Variants in ZBTB7C observed in about 807,000 individuals in gnomAD.
The protein encoded by ZBTB7C is zinc finger and BTB domain containing 7C, also known as zinc finger and BTB domain-containing protein 7C.
Under a neutral mutation model 25.7 loss-of-function variants are expected in ZBTB7C, and 8 were observed. That is an observed-to-expected ratio of 0.31 (90% CI 0.18 to 0.56). ZBTB7C has a LOEUF of 0.56. Among genes scored for constraint, ZBTB7C ranks in the 20% least tolerant of loss-of-function variants. ZBTB7C has a pLI of 0.91. For synonymous variants in ZBTB7C, 394 were observed against 369.0 expected, an observed-to-expected ratio of 1.07 and a Z score of -0.78; for missense variants, 824 against 855.2, an observed-to-expected ratio of 0.96 and a Z score of 0.46.
At chr18:48,397,417 C>T (rs1233858064) in intron 1 of ZBTB7C, among the ~76,000 whole-genome samples, 3 of 152,110 alleles carry the variant, frequency 2.0e-5, no homozygotes, top group African/African-American at 4.8e-5. Context: ...AACTTCAGGG[C>T]CAATTTAGGT....
chr18:48,376,349 C>A (rs2047518347), intron 1 of ZBTB7C, among the ~76,000 whole-genome samples: 1 of 152,198 alleles, frequency 6.6e-6, no homozygotes, highest in African/African-American at 2.4e-5. Context: ...GTTTTCCGGG[C>A]CTCTCCAGCC....
chr18:48,212,551 G>A (rs1599112939), intron 2 of ZBTB7C, among the ~76,000 whole-genome samples: 1 of 152,076 alleles, frequency 6.6e-6, no homozygotes, highest in East Asian at 1.9e-4. Context: ...GGGCCAGGGG[G>A]GATGTCAATA....
chr18:48,264,160 T>C (rs2044246428), intron 2 of ZBTB7C, among the ~76,000 whole-genome samples: 1 of 152,184 alleles, frequency 6.6e-6, no homozygotes, highest in Non-Finnish European at 1.5e-5. Context: ...AGTGCGTGGG[T>C]GACATCTCTA....
At chr18:48,376,587 G>GGA (rs1286028729) in intron 1 of ZBTB7C, among the ~76,000 whole-genome samples, 2 of 152,210 alleles carry the variant, frequency 1.3e-5, no homozygotes, top group Non-Finnish European at 2.9e-5. Flanking sequence ...TCAGGGCTCT[G>GGA]GAGAGCAGCC....
At chr18:48,302,605 T>A (rs942551518) in intron 2 of ZBTB7C, among the ~76,000 whole-genome samples, 1 of 152,206 alleles carries the variant, frequency 6.6e-6, no homozygotes, top group Non-Finnish European at 1.5e-5. Context: ...GCTAGCTAAG[T>A]CAGGCCGGAT....
At chr18:48,174,925 T>TA (rs1344150963) in intron 3 of ZBTB7C, among the ~76,000 whole-genome samples, 8 of 152,134 alleles carry the variant, frequency 5.3e-5, no homozygotes, top group African/African-American at 1.7e-4. Flanking sequence ...AGAAAACAAT[T>TA]AAATTGGTTA....
chr18:48,070,246 C>T (rs1301535036), intron 3 of ZBTB7C, among the ~76,000 whole-genome samples: 1 of 152,192 alleles, frequency 6.6e-6, no homozygotes, highest in Non-Finnish European at 1.5e-5. Context: ...GAGTTCACAG[C>T]CTAGTGACTG....
At chr18:48,073,540 G>C (rs2037636743) in intron 3 of ZBTB7C, among the ~76,000 whole-genome samples, 1 of 152,258 alleles carries the variant, frequency 6.6e-6, no homozygotes, top group Admixed American at 6.5e-5. Context: ...GGGCAGGTAC[G>C]GACAGGCTCC....
intron 3 of ZBTB7C, among the ~76,000 whole-genome samples, chr18:48,115,077 T>C (rs2039383855): frequency 6.6e-6 from 1 of 152,194 alleles, no homozygotes; most frequent in African/African-American, 2.4e-5. Flanking sequence ...AATTCCCCCA[T>C]TTCCCTTTCC....
chr18:48,137,135 GA>G, intron 3 of ZBTB7C: 3 of 985,524 alleles, frequency 3.0e-6, no homozygotes, highest in Non-Finnish European at 3.6e-6. Context: ...GGTTGTCATT[GA>G]TTCGTGCTGG....
intron 3 of ZBTB7C, chr18:48,087,727 T>A (rs969699749): frequency 6.6e-6 from 1 of 152,018 alleles, no homozygotes; most frequent in South Asian, 2.1e-4. Context: ...CCCAAGAGTT[T>A]GAGGCTGCAG....
intron 1 of ZBTB7C, among the ~76,000 whole-genome samples, chr18:48,379,543 T>C (rs1379887978): frequency 6.6e-6 from 1 of 152,202 alleles, no homozygotes; most frequent in Non-Finnish European, 1.5e-5. Context: ...ATAGTGGATC[T>C]ATTTTTATCA....
chr18:48,281,806 A>G (rs2044861170), intron 2 of ZBTB7C, among the ~76,000 whole-genome samples: 1 of 150,408 alleles, frequency 6.6e-6, no homozygotes, highest in Admixed American at 6.6e-5. Flanking sequence ...AAAAGTCAGG[A>G]AACAACAGGT....
Position 48,316,428 on chromosome 18 carries a change from G to A in ZBTB7C, c.-79+21746C>T, listed in dbSNP as rs1001482351. Among the ~76,000 whole-genome samples the A allele has an allele frequency of 1.2e-4, 19 of 152,156 alleles. No individual in the cohort carries two copies. In the East Asian group the frequency reaches 3.5e-3, roughly 28 times the overall value. Reference sequence around the variant, plus strand: ...GTAGCAGGAAGGCCGCTGCAGCATGGGGGTGATATCATTTGGATGTTTATC... The same window carrying A: ...GTAGCAGGAAGGCCGCTGCAGCATGAGGGTGATATCATTTGGATGTTTATC... On this transcript the variant is annotated intron_variant, in intron 2 of 4. Transcript: ENST00000590800.
At chr18:48,038,621 G>A (rs1185275624) in intron 4 of ZBTB7C, among the ~76,000 whole-genome samples, 2 of 148,456 alleles carry the variant, frequency 1.3e-5, no homozygotes, top group Non-Finnish European at 3.0e-5. Context: ...ACCTTGCACT[G>A]TGTCCTTGGG....
At chr18:48,101,359 T>C (rs1277488799) in intron 3 of ZBTB7C, among the ~76,000 whole-genome samples, 1 of 152,248 alleles carries the variant, frequency 6.6e-6, no homozygotes, top group Non-Finnish European at 1.5e-5. Flanking sequence ...TCACACTTAA[T>C]AGTCAAAGTA....
intron 3 of ZBTB7C, among the ~76,000 whole-genome samples, chr18:48,060,632 C>A (rs1204783480): frequency 6.6e-6 from 1 of 152,194 alleles, no homozygotes; most frequent in East Asian, 1.9e-4. Flanking sequence ...ACCCCACCTT[C>A]ATTGGGTGAA....
chr18:48,312,660 G>A (rs1053458034), intron 2 of ZBTB7C, among the ~76,000 whole-genome samples: 8 of 152,218 alleles, frequency 5.3e-5, no homozygotes, highest in Non-Finnish European at 8.8e-5. Context: ...AATGTTGTGA[G>A]AATTAACAAG....
chr18:48,397,783 T>C (rs1306022105), intron 1 of ZBTB7C, among the ~76,000 whole-genome samples: 1 of 152,210 alleles, frequency 6.6e-6, no homozygotes, highest in Admixed American at 6.5e-5. Flanking sequence ...TATATATGTC[T>C]TGCATATATT....
Sources: gnomAD v4.1 joint callset for allele counts (sites outside exome capture counted in the v4.1 genomes callset) on GRCh38, gnomAD v4.1.1 for gene constraint, MANE v1.5 for transcripts, NCBI Gene and HGNC (gene_info 2026-07-23, HGNC 2026-07-21) for gene names.